The following GNAQ variants were observed in gnomAD, a reference collection of about 807,000 sequenced individuals.
GNAQ encodes G protein subunit alpha q.
A neutral mutation model predicts 43.9 loss-of-function variants in GNAQ; 8 were observed. That is an observed-to-expected ratio of 0.18 (90% CI 0.11 to 0.33). The LOEUF (loss-of-function observed/expected upper bound fraction) is 0.33, where lower values mean the gene tolerates loss of function less well. Ranked by LOEUF, GNAQ falls within the 10% of genes least tolerant of loss-of-function variation. The pLI is 1.00. For missense variants in GNAQ, 158 were observed against 450.8 expected (o/e 0.35, Z 5.88); for synonymous variants, 155 against 170.7 (o/e 0.91, Z 0.71).
chr9:77,755,130 T>C (rs547124713), intron 5 of GNAQ, among the ~76,000 whole-genome samples: 1 of 152,290 alleles, frequency 6.6e-6, no homozygotes, highest in Non-Finnish European at 1.5e-5. Context: ...AAGCCAGGCA[T>C]AGAAAGACAA....
At chr9:77,943,535 T>G (rs1191874011) in intron 1 of GNAQ, among the ~76,000 whole-genome samples, 3 of 152,164 alleles carry the variant, frequency 2.0e-5, no homozygotes, top group Non-Finnish European at 4.4e-5. Context: ...GTGTCTTCTC[T>G]TTCTATAATG....
intron 1 of GNAQ, among the ~76,000 whole-genome samples, chr9:77,958,909 C>T (rs939556406): frequency 6.6e-6 from 1 of 152,152 alleles, no homozygotes; most frequent in Non-Finnish European, 1.5e-5. Flanking sequence ...CATGATTTTC[C>T]CCTTTTCCCA....
At chr9:77,810,031 T>C (rs1826892188) in intron 3 of GNAQ, among the ~76,000 whole-genome samples, 1 of 152,214 alleles carries the variant, frequency 6.6e-6, no homozygotes, top group Admixed American at 6.5e-5. Context: ...CAGTCAATTT[T>C]ATATAATTTT....
chr9:77,934,918 A>T (rs1345394955), intron 1 of GNAQ, among the ~76,000 whole-genome samples: 1 of 152,156 alleles, frequency 6.6e-6, no homozygotes, highest in African/African-American at 2.4e-5. Context: ...TGAGGTCAAG[A>T]GTTCAAGACC....
chr9:77,761,526 C>T (rs551115237), intron 5 of GNAQ, among the ~76,000 whole-genome samples: 16 of 144,114 alleles, frequency 1.1e-4, no homozygotes, highest in East Asian at 2.2e-4. Context: ...CCCGGCCAGC[C>T]GCCCCGTCCG....
intron 5 of GNAQ, among the ~76,000 whole-genome samples, chr9:77,732,230 A>T (rs1166909657): frequency 6.6e-6 from 1 of 152,182 alleles, no homozygotes; most frequent in Non-Finnish European, 1.5e-5. Flanking sequence ...TGTATGACCC[A>T]TAATATAAAA....
intron 1 of GNAQ, among the ~76,000 whole-genome samples, chr9:77,963,741 G>GA (rs1285292408): frequency 6.6e-6 from 1 of 152,148 alleles, no homozygotes; most frequent in East Asian, 1.9e-4. Flanking sequence ...AACTTTAACA[G>GA]AAAAATGCCT....
rs1007994511 is a variant in GNAQ, at chr9:77,865,048, A to T, written c.322-49278T>A. On this transcript the variant is annotated intron_variant, in intron 2 of 6. Transcript: ENST00000286548. ...CCTTTTCACCTACTAAAAGAAAATT[A>T]ACCCCTTTTCACCCTAAGCTGCAAA... Among the ~76,000 whole-genome samples, 5 of 152,226 alleles carry T rather than the reference A, an allele frequency of 3.3e-5. No individual in the cohort carries two copies. In the East Asian group the frequency reaches 9.6e-4, roughly 29 times the overall value.
At chr9:77,831,833 A>G (rs537339410) in intron 2 of GNAQ, among the ~76,000 whole-genome samples, 1 of 152,354 alleles carries the variant, frequency 6.6e-6, no homozygotes, top group East Asian at 1.9e-4. Context: ...GCTGCAAGTA[A>G]TAAGTATTCA....
intron 2 of GNAQ, among the ~76,000 whole-genome samples, chr9:77,900,490 T>G (rs1828585192): frequency 6.6e-6 from 1 of 152,158 alleles, no homozygotes; most frequent in Non-Finnish European, 1.5e-5. Context: ...TACTTGTGGT[T>G]AGATACTGGG....
chr9:77,929,830 A>G (rs1426427131), intron 1 of GNAQ, among the ~76,000 whole-genome samples: 1 of 152,162 alleles, frequency 6.6e-6, no homozygotes, highest in Non-Finnish European at 1.5e-5. Context: ...ACCCTGTCAC[A>G]CACACAAAAA....
chr9:77,919,093 T>C (rs1828958697), intron 2 of GNAQ, among the ~76,000 whole-genome samples: 1 of 152,106 alleles, frequency 6.6e-6, no homozygotes, highest in South Asian at 2.1e-4. Context: ...CTAATTTTTG[T>C]ATTTTTAGTA....
At chr9:77,925,740 G>T (rs1262822586) in intron 1 of GNAQ, among the ~76,000 whole-genome samples, 1 of 152,090 alleles carries the variant, frequency 6.6e-6, no homozygotes, top group East Asian at 1.9e-4. Flanking sequence ...AGGAAATTAA[G>T]GTATTATTTG....
chr9:77,856,834 A>G (rs755471936), intron 2 of GNAQ, among the ~76,000 whole-genome samples: 1 of 152,236 alleles, frequency 6.6e-6, no homozygotes. Flanking sequence ...CTTGCAAAGC[A>G]GTATCATGAA....
intron 3 of GNAQ, among the ~76,000 whole-genome samples, chr9:77,809,818 T>C (rs563810142): frequency 3.9e-5 from 6 of 152,282 alleles, no homozygotes; most frequent in African/African-American, 1.4e-4. Flanking sequence ...GGTGTCCTTC[T>C]TACTGGTTCC....
At chr9:77,776,963 G>C (rs1469906884) in intron 5 of GNAQ, among the ~76,000 whole-genome samples, 4 of 151,074 alleles carry the variant, frequency 2.6e-5, no homozygotes, top group Non-Finnish European at 4.4e-5. Flanking sequence ...GAAGAATATA[G>C]GTGAAGGACC....
intron 3 of GNAQ, among the ~76,000 whole-genome samples, chr9:77,803,316 A>G (rs192615344): frequency 2.4e-4 from 37 of 152,364 alleles, no homozygotes; most frequent in Admixed American, 2.0e-3. Flanking sequence ...GCTTCCTGCT[A>G]TTCTTTAGGT....
intron 1 of GNAQ, among the ~76,000 whole-genome samples, chr9:77,992,000 G>C (rs1823513833): frequency 6.6e-6 from 1 of 152,108 alleles, no homozygotes; most frequent in South Asian, 2.1e-4. Flanking sequence ...CCATATTTTT[G>C]CAATTGCAAA....
chr9:77,940,255 G>A (rs906348205), intron 1 of GNAQ, among the ~76,000 whole-genome samples: 3 of 152,156 alleles, frequency 2.0e-5, no homozygotes, highest in Admixed American at 6.5e-5. Flanking sequence ...TATAAAAAGT[G>A]TATGAACTCC....
Sources: gnomAD v4.1 joint callset for allele counts (sites outside exome capture counted in the v4.1 genomes callset) on GRCh38, gnomAD v4.1.1 for gene constraint, MANE v1.5 for transcripts, NCBI Gene and HGNC (gene_info 2026-07-23, HGNC 2026-07-21) for gene names.